FRMD4A: variants seen among roughly 807,000 people sequenced by gnomAD.
FRMD4A encodes the protein FERM domain-containing protein 4A.
In FRMD4A, 29 loss-of-function variants were observed where a neutral mutation model predicts 129.1. The observed-to-expected ratio is 0.22, with a 90% CI of 0.17 to 0.31. The LOEUF (loss-of-function observed/expected upper bound fraction) is 0.31. Ranked by LOEUF, FRMD4A falls within the 10% of genes least tolerant of loss-of-function variation. The pLI is 1.00. For synonymous variants in FRMD4A, 634 were observed against 571.6 expected (o/e 1.11, Z -1.56); for missense variants, 1,272 against 1,375.8 (o/e 0.92, Z 1.19).
At chr10:13,939,276 T>C (rs554003767) in intron 2 of FRMD4A, among the ~76,000 whole-genome samples, 2 of 152,224 alleles carry the variant, frequency 1.3e-5, no homozygotes, top group Non-Finnish European at 2.9e-5. Flanking sequence ...GTTAACCACA[T>C]GATTTTAGTT....
chr10:14,274,683 A>T (rs1338486470), intron 2 of FRMD4A, among the ~76,000 whole-genome samples: 7 of 152,132 alleles, frequency 4.6e-5, no homozygotes, highest in Non-Finnish European at 1.0e-4. Flanking sequence ...AAATGAAGGG[A>T]CAAAAGAGGA....
At chr10:13,653,939 G>GCTTCC in intron 23 of FRMD4A, 1 of 189,634 alleles carries the variant, frequency 5.3e-6, no homozygotes, top group African/African-American at 2.8e-5. Flanking sequence ...TGTGTGTTGA[G>GCTTCC]AAAGAGCAAG....
chr10:13,777,791 AT>A (rs34059772), intron 6 of FRMD4A, among the ~76,000 whole-genome samples: 11,467 of 85,750 alleles, frequency 0.13, 277 homozygotes, highest in East Asian at 0.26. Context: ...CTTTGGGTCA[AT>A]TTTTTTTTTT....
intron 13 of FRMD4A, among the ~76,000 whole-genome samples, chr10:13,705,439 A>T (rs1427100048): frequency 2.6e-5 from 4 of 152,198 alleles, no homozygotes; most frequent in Non-Finnish European, 4.4e-5. Context: ...GAGCACAGGC[A>T]TGGCGGAGGG....
At chr10:13,881,415 T>C (rs1564964328) in intron 2 of FRMD4A, among the ~76,000 whole-genome samples, 1 of 152,022 alleles carries the variant, frequency 6.6e-6, no homozygotes, top group Admixed American at 6.6e-5. Context: ...AGAGCAAGAA[T>C]GGGCCAGAGA....
intron 2 of FRMD4A, among the ~76,000 whole-genome samples, chr10:14,164,186 G>C (rs183350987): frequency 6.6e-6 from 1 of 152,212 alleles, no homozygotes; most frequent in East Asian, 1.9e-4. Flanking sequence ...TAGGTCTTTC[G>C]TCTACCTTCT....
intron 2 of FRMD4A, among the ~76,000 whole-genome samples, chr10:14,275,305 C>G (rs760591242): frequency 6.6e-6 from 1 of 152,242 alleles, no homozygotes; most frequent in South Asian, 2.1e-4. Flanking sequence ...GAATTAGACA[C>G]TTAAAAATCC....
intron 2 of FRMD4A, among the ~76,000 whole-genome samples, chr10:14,151,743 C>T (rs976428207): frequency 6.6e-6 from 1 of 152,164 alleles, no homozygotes; most frequent in Non-Finnish European, 1.5e-5. Context: ...TCCCTCCCTT[C>T]CCCAGGGAAC....
At chr10:14,030,923 C>T (rs1393092372) in intron 2 of FRMD4A, among the ~76,000 whole-genome samples, 1 of 152,188 alleles carries the variant, frequency 6.6e-6, no homozygotes, top group Admixed American at 6.5e-5. Context: ...GGCTCATGCA[C>T]CCACAACCCC....
chr10:14,059,578 T>G (rs978507384), intron 2 of FRMD4A, among the ~76,000 whole-genome samples: 10 of 152,130 alleles, frequency 6.6e-5, no homozygotes, highest in African/African-American at 2.2e-4. Flanking sequence ...AGTGGGTAAG[T>G]GGGAACATTG....
intron 2 of FRMD4A, among the ~76,000 whole-genome samples, chr10:13,918,124 T>C (rs2095031015): frequency 6.6e-6 from 1 of 152,224 alleles, no homozygotes; most frequent in African/African-American, 2.4e-5. Context: ...TTGTTTTCAT[T>C]ACTTCCTATA....
chr10:14,121,057 C>G (rs1213653964), intron 2 of FRMD4A, among the ~76,000 whole-genome samples: 1 of 152,170 alleles, frequency 6.6e-6, no homozygotes, highest in Non-Finnish European at 1.5e-5. Flanking sequence ...ATATGAATCA[C>G]CTGGGGACTT....
intron 2 of FRMD4A, among the ~76,000 whole-genome samples, chr10:14,275,393 G>T (rs1242060107): frequency 2.6e-5 from 4 of 152,230 alleles, no homozygotes; most frequent in Admixed American, 6.5e-5. Context: ...CGGGGTGAGT[G>T]TATCGCAACC....
chr10:13,973,098 C>A (rs2095526973), intron 2 of FRMD4A, among the ~76,000 whole-genome samples: 1 of 152,132 alleles, frequency 6.6e-6, no homozygotes, highest in South Asian at 2.1e-4. Context: ...CTTGATCTGA[C>A]CGATGGAAAT....
intron 2 of FRMD4A, among the ~76,000 whole-genome samples, chr10:14,082,252 A>T (rs959364126): frequency 4.6e-5 from 7 of 152,226 alleles, no homozygotes; most frequent in African/African-American, 1.4e-4. Context: ...AGATAAAAAA[A>T]AAATACAAAC....
intron 2 of FRMD4A, among the ~76,000 whole-genome samples, chr10:14,048,495 C>T (rs1395431460): frequency 1.3e-5 from 2 of 151,992 alleles, no homozygotes; most frequent in East Asian, 3.9e-4. Flanking sequence ...TAAGACATGC[C>T]TTAAGTTTGC....
chr10:13,995,520 G>T (rs1365390152), intron 2 of FRMD4A, among the ~76,000 whole-genome samples: 2 of 152,202 alleles, frequency 1.3e-5, no homozygotes, highest in African/African-American at 4.8e-5. Flanking sequence ...GGGAGGTGGG[G>T]GTTGCAGTGA....
At chr10:13,946,695 C>T (rs2095334445) in intron 2 of FRMD4A, among the ~76,000 whole-genome samples, 1 of 152,160 alleles carries the variant, frequency 6.6e-6, no homozygotes, top group African/African-American at 2.4e-5. Flanking sequence ...AGTGATTGGT[C>T]CACTGAAGAC....
intron 2 of FRMD4A, among the ~76,000 whole-genome samples, chr10:14,209,722 A>AG (rs1270397482): frequency 6.6e-6 from 1 of 151,264 alleles, no homozygotes; most frequent in African/African-American, 2.4e-5. Flanking sequence ...CTGTCTCAAA[A>AG]AAAAAAAAAA....
Sources: gnomAD v4.1 joint callset for allele counts (sites outside exome capture counted in the v4.1 genomes callset) on GRCh38, gnomAD v4.1.1 for gene constraint, MANE v1.5 for transcripts, NCBI Gene and HGNC (gene_info 2026-07-23, HGNC 2026-07-21) for gene names.